Variants in SNAPC4 observed in about 807,000 individuals in gnomAD.
SNAPC4 encodes the protein snRNA-activating protein complex subunit 4.
A neutral mutation model predicts 151.3 loss-of-function variants in SNAPC4; 127 were observed. The ratio of observed to expected loss-of-function variants is 0.84; its 90% CI spans 0.73 to 0.97. The LOEUF is 0.97. Ranked by LOEUF, SNAPC4 falls within the 50% of genes least tolerant of loss-of-function variation. SNAPC4 has a pLI of 0.00. For synonymous variants in SNAPC4, 1,002 were observed against 824.4 expected (o/e 1.22, Z -3.69); for missense variants, 2,186 against 1,935.0 (o/e 1.13, Z -2.43).
intron 10 of SNAPC4, 106 bp from the exon 11 acceptor site, chr9:136,388,697 G>A: frequency 3.7e-6 from 5 of 1,368,058 alleles, no homozygotes; most frequent in Non-Finnish European, 5.1e-6. Context: ...CCACTGGGGT[G>A]ACCCTTCTGC....
chr9:136,392,408 C>T (rs1274896944), intron 9 of SNAPC4, 114 bp downstream of exon 9: 3 of 1,097,058 alleles, frequency 2.7e-6, no homozygotes, highest in African/African-American at 3.1e-5. Flanking sequence ...TGGGGGGTCA[C>T]AGCAGAACCT....
At position 136,392,756 on chromosome 9, in the gene SNAPC4, C is replaced by T; in HGVS notation, c.654G>A (p.Lys218=). The T allele has an allele frequency of 6.2e-7, 1 of 1,613,520 alleles. No individual in the cohort carries two copies. The highest frequency in any genetic ancestry group is 8.5e-7 in the Non-Finnish European group (1 of 1,180,018). ...KLLKLEYLHQ[K]QSKVSSELER... Reference sequence around the variant, plus strand: ...CCAGCTCACTGGAGACTTTGCTCTGCTTCTGGTGCAAGTACTCGAGCCTGC... The same window carrying T: ...CCAGCTCACTGGAGACTTTGCTCTGTTTCTGGTGCAAGTACTCGAGCCTGC... Residue 218 remains lysine, a synonymous_variant, in exon 8 of 24, where the codon AAG becomes AAA. Coordinates refer to ENST00000684778, the MANE Select transcript of SNAPC4 (RefSeq NM_003086.4).
intron 13 of SNAPC4, among the ~76,000 whole-genome samples, chr9:136,385,980 G>T (rs1833875252): frequency 6.6e-6 from 1 of 152,246 alleles, no homozygotes; most frequent in South Asian, 2.1e-4. Context: ...GGACATTGTT[G>T]TATCTGAGCT....
chr9:136,384,792 T>C lies in SNAPC4; in HGVS notation c.1348A>G (p.Ser450Gly). ...AAATTCCACCGACCCTTTTTCAAGC[T>C]GAAATGTAATCTCCTGAGATACCTG... ...RDRYLRRLHF[S>G]LKKGRWNLKE... The change falls in exon 14 of 24, where the codon AGC (serine) becomes GGC (glycine). Residue 450 changes from serine to glycine, a missense_variant. Coordinates refer to ENST00000684778, the MANE Select transcript of SNAPC4 (RefSeq NM_003086.4). 3 of 1,593,832 alleles carry C rather than the reference T, an allele frequency of 1.9e-6. No individual in the cohort carries two copies. Among genetic ancestry groups the C allele is most frequent in the Non-Finnish European group, 2.6e-6 (3 of 1,168,312 alleles).
intron 9 of SNAPC4, 60 bp from the exon 10 acceptor site, chr9:136,392,166 A>G: frequency 6.3e-7 from 1 of 1,593,798 alleles, no homozygotes; most frequent in Non-Finnish European, 8.5e-7. Flanking sequence ...CCCTAGACGC[A>G]GCTCCAGGCT....
chr9:136,396,039 G>A (rs978495229), intron 3 of SNAPC4, among the ~76,000 whole-genome samples: 2 of 152,234 alleles, frequency 1.3e-5, no homozygotes, highest in African/African-American at 4.8e-5. Context: ...CAGGGCTGCG[G>A]CTGCTGCAAG....
chr9:136,378,907 T>C lies in SNAPC4; in HGVS notation c.2920A>G (p.Thr974Ala). The C allele has an allele frequency of 6.2e-7, 1 of 1,610,984 alleles. No homozygotes were observed. Among genetic ancestry groups the C allele is most frequent in the South Asian group, 1.1e-5 (1 of 90,556 alleles). Residue 974 changes from threonine to alanine, a missense_variant, in exon 22 of 24, where the codon ACT becomes GCT. Physicochemically the swap from Thr to Ala is moderately conservative, Grantham distance 58 (BLOSUM62 0). Transcript: ENST00000684778. ...GAGAGTCTCTTGTCCTTGGCTGAAG[T>C]CCCAGCCTCCTGCCAGGAGCCAGAA... Reference protein sequence around the residue: ...GTSGSWQEAGTSAKDKRLSTM... With the variant: ...GTSGSWQEAGASAKDKRLSTM...
rs1438228199 is a variant in SNAPC4, at chr9:136,383,476, T to A, written c.1693A>T (p.Met565Leu). The stretch of plus-strand genomic sequence containing the variant: ...ACCCACAGGTCCATGTCCGGGACCA[T>A]GTACTGTGGGGACAGCAGCGCTCTG... The part of the protein sequence containing the change: ...GDRALLSPQY[M>L]VPDMDLWVPA... Residue 565 changes from methionine to leucine, a missense_variant, in exon 16 of 24, where the codon ATG (methionine) becomes TTG (leucine). Coordinates refer to ENST00000684778, the MANE Select transcript of SNAPC4 (RefSeq NM_003086.4). This position sits in a 1 kb window ranked among gnomAD's most constrained non-coding sequence, Gnocchi z 4.2. The A allele has an allele frequency of 1.3e-6, 2 of 1,566,234 alleles. No homozygotes were observed. Among genetic ancestry groups the A allele is most frequent in the Non-Finnish European group, 1.7e-6 (2 of 1,155,754 alleles).
At chr9:136,399,890 G>A (rs1395269267) in intron 1 of SNAPC4, among the ~76,000 whole-genome samples, 1 of 152,074 alleles carries the variant, frequency 6.6e-6, no homozygotes, top group Non-Finnish European at 1.5e-5. Flanking sequence ...GGGCCGCCCC[G>A]CCGGAGCCTC....
At chr9:136,397,542 T>C (rs1349714653) in intron 2 of SNAPC4, among the ~76,000 whole-genome samples, 1 of 87,694 alleles carries the variant, frequency 1.1e-5, no homozygotes, top group African/African-American at 4.5e-5. Flanking sequence ...GGAGAGCATG[T>C]GGGGAGGGGA....
rs1358583375 is a variant in SNAPC4 at position 136,379,228 on chromosome 9, C to G, written c.2599G>C (p.Ala867Pro). Residue 867 changes from alanine (A) to proline (P), a missense_variant, in exon 22 of 24, where the codon GCG (alanine) becomes CCG (proline). Physicochemically the swap from Ala to Pro is conservative, Grantham distance 27. Transcript: ENST00000684778. ...AGGGTGCGCTCCACCCGGCTGGACG[C>G]CAGTCTTCGGCTCCCTTTGTGGCTG... ...SASHKGSRRL[A>P]SSRVERTLPQ... 6.2e-7 allele frequency: 1 copy of G among 1,612,302 alleles called. No individual in the cohort carries two copies. Among genetic ancestry groups the G allele is most frequent in the Non-Finnish European group, 8.5e-7 (1 of 1,179,886 alleles).
At chr9:136,395,154 C>A in intron 5 of SNAPC4, 144 bp downstream of exon 5, 1 of 1,078,298 alleles carries the variant, frequency 9.3e-7, no homozygotes, top group Non-Finnish European at 1.3e-6. Flanking sequence ...GCTTGCCCAC[C>A]ACGGAGGAGG....
At chr9:136,387,940 G>T in intron 11 of SNAPC4, 92 bp from the exon 12 acceptor site, 1 of 774,010 alleles carries the variant, frequency 1.3e-6, no homozygotes. Flanking sequence ...CCGTGGGGCC[G>T]AGACACCCAC....
Position 136,383,492 on chromosome 9 carries a change from C to A in SNAPC4, c.1677G>T (p.Leu559=). The A allele has an allele frequency of 6.4e-7, 1 of 1,570,734 alleles. No homozygotes were observed. Among genetic ancestry groups the A allele is most frequent in the South Asian group, 1.2e-5 (1 of 86,780 alleles). Reference sequence around the variant, plus strand: ...CCGGGACCATGTACTGTGGGGACAGCAGCGCTCTGTCACCCTCCCCGGCCT... The same window carrying A: ...CCGGGACCATGTACTGTGGGGACAGAAGCGCTCTGTCACCCTCCCCGGCCT... ...QAQAGEGDRA[L]LSPQYMVPDM... The change falls in exon 16 of 24, where the codon CTG becomes CTT. Residue 559 remains leucine (L), a synonymous_variant. Transcript: ENST00000684778. The surrounding 1 kb of genome is among the most constrained non-coding windows in gnomAD (Gnocchi z 4.2).
chr9:136,397,088 C>T, intron 2 of SNAPC4, 65 bp from the exon 3 acceptor site: 2 of 1,392,740 alleles, frequency 1.4e-6, no homozygotes, highest in Non-Finnish European at 2.0e-6. Flanking sequence ...GGGCGCAGCT[C>T]ACCACTGCTT....
chr9:136,399,121 G>A (rs188786931), intron 1 of SNAPC4, among the ~76,000 whole-genome samples: 2 of 152,338 alleles, frequency 1.3e-5, no homozygotes, highest in East Asian at 1.9e-4. Flanking sequence ...GAGAGAGAGT[G>A]GGAGAATGAA....
chr9:136,389,748 T>TG (rs1381839456), intron 10 of SNAPC4, among the ~76,000 whole-genome samples: 2 of 151,870 alleles, frequency 1.3e-5, no homozygotes, highest in Non-Finnish European at 2.9e-5. Flanking sequence ...GGCAAAGGAC[T>TG]GGGGGGTGGG....
chr9:136,392,187 T>C, intron 9 of SNAPC4, 81 bp from the exon 10 acceptor site: 3 of 1,551,562 alleles, frequency 1.9e-6, no homozygotes, highest in Non-Finnish European at 2.6e-6. Flanking sequence ...GAGCTGTTGC[T>C]CTCCGCCAGC....
In SNAPC4 at chr9:136,383,955, C is replaced by G. The variant is rs143070560; in HGVS notation, c.1498G>C (p.Gly500Arg). 1.0e-4 allele frequency: 163 copies of G among 1,613,156 alleles called. No individual in the cohort carries two copies. The highest frequency in any genetic ancestry group is 1.3e-4 in the Non-Finnish European group (151 of 1,179,486). The change falls in exon 15 of 24, where the codon GGG becomes CGG. Residue 500 changes from glycine (G) to arginine (R), a missense_variant and splice_region_variant. Gly to Arg is a moderately radical substitution (Grantham distance 125). Transcript: ENST00000684778. The surrounding 1 kb of genome is among the most constrained non-coding windows in gnomAD (Gnocchi z 4.2). ...QCLSKWKIMM[G>R]KKQGLRRRRR... is the part of the protein sequence containing the mutation. Reference sequence around the variant, plus strand: ...TAAAGAAGGAGCGAGTGGCTCACCCCCATCATGATCTTCCACTTGCTCAGA... The same window carrying G: ...TAAAGAAGGAGCGAGTGGCTCACCCGCATCATGATCTTCCACTTGCTCAGA...
Sources: allele counts gnomAD v4.1 joint callset (sites outside exome capture counted in the v4.1 genomes callset), GRCh38; gene constraint gnomAD v4.1.1; non-coding constraint Gnocchi (gnomAD v3.1); transcripts MANE v1.5; gene names NCBI Gene and HGNC (gene_info 2026-07-23, HGNC 2026-07-21).